Variants in PGPEP1 observed in about 807,000 individuals in gnomAD.
The protein encoded by PGPEP1 is pyroglutamyl-peptidase I.
Under a neutral mutation model 24.1 loss-of-function variants are expected in PGPEP1, and 15 were observed. That is an observed-to-expected ratio of 0.62 (90% CI 0.42 to 0.96). PGPEP1 has a LOEUF of 0.96. PGPEP1 is among the 40% of genes least tolerant of loss of function. The pLI is 0.00. For missense variants in PGPEP1, 242 were observed against 273.4 expected, an observed-to-expected ratio of 0.89 and a Z score of 0.81; for synonymous variants, 122 against 116.4, an observed-to-expected ratio of 1.05 and a Z score of -0.31.
In PGPEP1 at chr19:18,368,898, C is replaced by G. The variant is rs1386656042; in HGVS notation, c.*5315C>G. The G allele has an allele frequency of 6.6e-6, 1 of 152,532 alleles. No homozygotes were observed. The highest frequency in any genetic ancestry group is 2.4e-5 in the African/African-American group (1 of 41,464). 9.4% of individuals were successfully genotyped at this position (152,532 alleles called of 1,614,324 possible). A position where few individuals can be genotyped will look rare whatever the true frequency, so the allele number is the denominator to read the frequency against. ...AGGAGGCAGGTCTTTGCCAGGTTGCCCCATGCAGCCACCCATCCTCAGCAT... is the reference window on the plus strand; with the variant it reads ...AGGAGGCAGGTCTTTGCCAGGTTGCGCCATGCAGCCACCCATCCTCAGCAT... On this transcript the variant is annotated 3_prime_UTR_variant, in exon 5 of 5. Coordinates refer to ENST00000269919, the MANE Select transcript of PGPEP1 (RefSeq NM_017712.4).
Position 18,365,022 on chromosome 19 carries a change from C to T in PGPEP1, c.*1439C>T, listed in dbSNP as rs992282757. ...CGGCATGTCTGAGCAGGAGGAATTCCGGGCGGCCAAAGGGTTTTATGTAGA... is the reference window on the plus strand; with the variant it reads ...CGGCATGTCTGAGCAGGAGGAATTCTGGGCGGCCAAAGGGTTTTATGTAGA... On this transcript the variant is annotated 3_prime_UTR_variant, in exon 5 of 5. Coordinates refer to ENST00000269919, the MANE Select transcript of PGPEP1 (RefSeq NM_017712.4). 7 of 152,016 alleles carry T rather than the reference C, an allele frequency of 4.6e-5. No homozygotes were observed. Among genetic ancestry groups the T allele is most frequent in the Non-Finnish European group, 1.5e-5 (1 of 68,038 alleles). 9.4% of individuals were successfully genotyped at this position (152,016 alleles called of 1,614,324 possible).
In PGPEP1 at chr19:18,363,903, C is replaced by T. The variant is rs866569265; in HGVS notation, c.*320C>T. The T allele has an allele frequency of 5.2e-5, 13 of 248,918 alleles. No homozygotes were observed. Among genetic ancestry groups the T allele is most frequent in the South Asian group, 8.1e-5 (1 of 12,276 alleles). 15.4% of individuals were successfully genotyped at this position (248,918 alleles called of 1,614,324 possible). A position where few individuals can be genotyped will look rare whatever the true frequency, so the allele number is the denominator to read the frequency against. On this transcript the variant is annotated 3_prime_UTR_variant, in exon 5 of 5. Transcript: ENST00000269919. ...GGTGAATCCATGAGCTGCGATACCACGGCTGGGGCCATATGTTCACCTGCT... is the reference window on the plus strand; with the variant it reads ...GGTGAATCCATGAGCTGCGATACCATGGCTGGGGCCATATGTTCACCTGCT...
rs1971591118 is a variant in PGPEP1, at chr19:18,367,563, C to T, written c.*3980C>T. 6.6e-6 allele frequency: 1 copy of T among 151,906 alleles called. No homozygotes were observed. Among genetic ancestry groups the T allele is most frequent in the Non-Finnish European group, 1.5e-5 (1 of 68,002 alleles). The allele number at this position is 151,906 out of a possible 1,614,324, so 9.4% of individuals were successfully genotyped here. A position where few individuals can be genotyped will look rare whatever the true frequency, so the allele number is the denominator to read the frequency against. On this transcript the variant is annotated 3_prime_UTR_variant, in exon 5 of 5. Coordinates refer to ENST00000269919, the MANE Select transcript of PGPEP1 (RefSeq NM_017712.4). ...TCGGCCCCTAGCACCCCCTCCCCAC[C>T]CCAAAGAAGGTCAGTTGCATGCGTG... is the stretch of plus-strand genomic sequence containing the variant.
chr19:18,347,207 C>CA (rs1448810377), intron 2 of PGPEP1, among the ~76,000 whole-genome samples: 1 of 150,996 alleles, frequency 6.6e-6, no homozygotes, highest in Non-Finnish European at 1.5e-5. Context: ...CCAGCTTCCC[C>CA]ATTAGCTGGG....
chr19:18,353,305 T>G (rs1008273530), intron 2 of PGPEP1, among the ~76,000 whole-genome samples: 83 of 151,022 alleles, frequency 5.5e-4, no homozygotes, highest in African/African-American at 1.9e-3. Context: ...GCATGCAGCC[T>G]CCCCCTCCCT....
At position 18,363,434 on chromosome 19, in the gene PGPEP1, C is replaced by G. The variant is rs757531379; in HGVS notation, c.481C>G (p.His161Asp). The G allele has an allele frequency of 9.3e-6, 15 of 1,613,796 alleles. No homozygotes were observed. The African/African-American group carries it at 1.5e-4, about 16-fold the overall frequency. The part of the protein sequence containing the change: ...FTYYTSLYQS[H>D]GRSAFVHVPP... The stretch of plus-strand genomic sequence containing the variant: ...CTACTACACCTCTTTGTACCAGAGT[C>G]ACGGTCGATCAGCCTTCGTCCACGT... The change falls in exon 5 of 5, where the codon CAC becomes GAC. Residue 161 changes from histidine (H) to aspartate (D), a missense_variant. His to Asp is a moderately conservative substitution (Grantham distance 81). Coordinates refer to ENST00000269919, the MANE Select transcript of PGPEP1 (RefSeq NM_017712.4).
chr19:18,344,567 A>C (rs1600192540), intron 2 of PGPEP1, among the ~76,000 whole-genome samples: 3 of 137,790 alleles, frequency 2.2e-5, no homozygotes, highest in African/African-American at 5.4e-5. Context: ...CCAACTTCAG[A>C]CCTCAAAGTT....
chr19:18,346,319 A>T (rs1970842851), intron 2 of PGPEP1, among the ~76,000 whole-genome samples: 1 of 152,226 alleles, frequency 6.6e-6, no homozygotes, highest in Non-Finnish European at 1.5e-5. Flanking sequence ...CCTCCAAAAA[A>T]TGTGCCCTGG....
At chr19:18,349,697 C>T (rs1970966679) in intron 2 of PGPEP1, among the ~76,000 whole-genome samples, 1 of 152,136 alleles carries the variant, frequency 6.6e-6, no homozygotes, top group African/African-American at 2.4e-5. Context: ...TCCCCATCGC[C>T]GCTCCCATTC....
chr19:18,355,981 C>G lies in PGPEP1; in HGVS notation c.174C>G (p.Ile58Met), dbSNP rs1356221952. The change falls in exon 3 of 5, where the codon ATC (isoleucine) becomes ATG (methionine). Residue 58 changes from isoleucine to methionine, a missense_variant. Coordinates refer to ENST00000269919, the MANE Select transcript of PGPEP1 (RefSeq NM_017712.4). ...AGTACCAAACAGTCCAGAGACTCATCCCCGCCCTGTGGGAGAAGCACAGTC... is the reference window on the plus strand; with the variant it reads ...AGTACCAAACAGTCCAGAGACTCATGCCCGCCCTGTGGGAGAAGCACAGTC... Reference protein sequence around the residue: ...PVEYQTVQRLIPALWEKHSPQ... With the variant: ...PVEYQTVQRLMPALWEKHSPQ... 2 of 1,612,264 alleles carry G rather than the reference C, an allele frequency of 1.2e-6. No homozygotes were observed. The highest frequency in any genetic ancestry group is 1.3e-5 in the African/African-American group (1 of 74,900).
At chr19:18,345,741 A>G (rs568182703) in intron 2 of PGPEP1, among the ~76,000 whole-genome samples, 116 of 151,112 alleles carry the variant, frequency 7.7e-4, no homozygotes, top group African/African-American at 2.1e-3. Context: ...AAAAAAAAAA[A>G]AAAAGAAAAG....
intron 2 of PGPEP1, among the ~76,000 whole-genome samples, chr19:18,347,582 C>G (rs997031924): frequency 7.9e-5 from 12 of 151,034 alleles, no homozygotes; most frequent in Non-Finnish European, 1.0e-4. Flanking sequence ...TTCCCCTTCT[C>G]TCTCTCCCCA....
At chr19:18,348,651 A>G (rs1168023617) in intron 2 of PGPEP1, among the ~76,000 whole-genome samples, 1 of 152,094 alleles carries the variant, frequency 6.6e-6, no homozygotes, top group Non-Finnish European at 1.5e-5. Flanking sequence ...AGTGCCAGAT[A>G]CACTGTATGG....
chr19:18,344,186 C>T (rs1030062886), intron 2 of PGPEP1, among the ~76,000 whole-genome samples: 1 of 151,946 alleles, frequency 6.6e-6, no homozygotes, highest in South Asian at 2.1e-4. Context: ...CAGTGAGCCT[C>T]GCTGTCATCT....
chr19:18,363,511 A>C lies in PGPEP1; in HGVS notation c.558A>C (p.Arg186Ser). The C allele has an allele frequency of 6.2e-7, 1 of 1,614,160 alleles. No individual in the cohort carries two copies. Among genetic ancestry groups the C allele is most frequent in the Non-Finnish European group, 8.5e-7 (1 of 1,180,022 alleles). Residue 186 changes from arginine (R) to serine (S), a missense_variant, in exon 5 of 5, where the codon AGA (arginine) becomes AGC (serine). By Grantham distance (110) the Arg-to-Ser change is moderately radical. Transcript: ENST00000269919. ...YNADQLGRAL[R>S]AIIEEMLDLL... ...CGGACCAGCTGGGCAGGGCACTGAG[A>C]GCCATCATTGAGGAGATGTTGGACC...
chr19:18,356,257 AC>A (rs531197303), intron 3 of PGPEP1, among the ~76,000 whole-genome samples: 60 of 151,456 alleles, frequency 4.0e-4, no homozygotes, highest in African/African-American at 1.4e-3. Flanking sequence ...ACATGGCAAA[AC>A]CCTGTCTCTA....
At chr19:18,341,366 C>T (rs1378921431) in intron 1 of PGPEP1, among the ~76,000 whole-genome samples, 1 of 152,142 alleles carries the variant, frequency 6.6e-6, no homozygotes, top group African/African-American at 2.4e-5. Context: ...TCCCCCCCAC[C>T]CCCAAACCAA....
chr19:18,368,934 G>C lies in PGPEP1; in HGVS notation c.*5351G>C, dbSNP rs1460431290. 6.6e-6 allele frequency: 1 copy of C among 152,384 alleles called. No individual in the cohort carries two copies. The allele number at this position is 152,384 out of a possible 1,614,324, so 9.4% of individuals were successfully genotyped here. On this transcript the variant is annotated 3_prime_UTR_variant, in exon 5 of 5. Transcript: ENST00000269919. ...ACCCATCCTCAGCATCCTAACTTGA[G>C]GGGGCAGGAGAGGGCTTTGTTTTTA...
chr19:18,344,955 C>T (rs1344142194), intron 2 of PGPEP1, among the ~76,000 whole-genome samples: 3 of 151,314 alleles, frequency 2.0e-5, no homozygotes, highest in African/African-American at 7.2e-5. Flanking sequence ...GGAAATAGCC[C>T]TTCTCCTTGG....
Sources: gnomAD v4.1 joint callset for allele counts (sites outside exome capture counted in the v4.1 genomes callset) on GRCh38, gnomAD v4.1.1 for gene constraint, MANE v1.5 for transcripts, NCBI Gene and HGNC (gene_info 2026-07-23, HGNC 2026-07-21) for gene names.